ATXN2: variants seen among roughly 807,000 people sequenced by gnomAD.
The protein encoded by ATXN2 is ataxin-2.
ATXN2 carries 37 observed loss-of-function variants against 138.6 expected under a neutral mutation model. The observed-to-expected ratio is 0.27, with a 90% CI of 0.21 to 0.35. The LOEUF is 0.35. Among genes scored for constraint, ATXN2 ranks in the 10% least tolerant of loss-of-function variants. The pLI is 1.00. For missense variants in ATXN2, 1,216 were observed against 1,480.3 expected, an observed-to-expected ratio of 0.82 and a Z score of 2.93; for synonymous variants, 549 against 543.7, an observed-to-expected ratio of 1.01 and a Z score of -0.13.
In ATXN2 at chr12:111,453,492, C is replaced by T. The variant is rs1874827656; in HGVS notation, c.3439+185G>A. 1 of 1,335,848 alleles carries T rather than the reference C, an allele frequency of 7.5e-7. No homozygotes were observed. Among genetic ancestry groups the T allele is most frequent in the Non-Finnish European group, 9.6e-7 (1 of 1,046,688 alleles). The allele number at this position is 1,335,848 out of a possible 1,614,324, so 82.7% of individuals were successfully genotyped here. A position where few individuals can be genotyped will look rare whatever the true frequency, so the allele number is the denominator to read the frequency against. On this transcript the variant is annotated intron_variant, in intron 24 of 24. Transcript: ENST00000673436. This position sits in a 1 kb window ranked among gnomAD's most constrained non-coding sequence, Gnocchi z 5.4. ...TATACCATCAGAACACACACAGACT[C>T]GGCTCCCGGAAGCCTCAGGCCCTGA...
chr12:111,575,297 C>A (rs1459949260), intron 1 of ATXN2, among the ~76,000 whole-genome samples: 1 of 152,150 alleles, frequency 6.6e-6, no homozygotes, highest in Admixed American at 6.6e-5. Flanking sequence ...GCAATCCTCT[C>A]GCTTCAGCCT....
In ATXN2 at chr12:111,540,335, A is replaced by G. The variant is rs148615712; in HGVS notation, c.571+11945T>C. ...GTCTTACTGAAAATGTCCTGGAAAC[A>G]TATGCATTACTTACCTATTCTTTAC... On this transcript the variant is annotated intron_variant, in intron 5 of 24. Transcript: ENST00000673436. Among the ~76,000 whole-genome samples the G allele has an allele frequency of 7.0e-4, 106 of 150,724 alleles. 3 individuals are homozygous for G. The highest frequency in any genetic ancestry group is 2.5e-3 in the African/African-American group (102 of 41,460).
At chr12:111,570,078 G>A (rs530360313) in intron 1 of ATXN2, among the ~76,000 whole-genome samples, 1 of 152,246 alleles carries the variant, frequency 6.6e-6, no homozygotes, top group East Asian at 1.9e-4. Flanking sequence ...ACCATGTGTG[G>A]AAGTAGCCAC....
chr12:111,496,649 A>C lies in ATXN2; in HGVS notation c.1936-7869T>G, dbSNP rs536231652. Among the ~76,000 whole-genome samples the C allele has an allele frequency of 2.8e-4, 42 of 152,302 alleles. 1 individual carries two copies. The highest frequency in any genetic ancestry group is 2.7e-3 in the Admixed American group (42 of 15,292). On this transcript the variant is annotated intron_variant, in intron 14 of 24. Coordinates refer to ENST00000673436, the MANE Select transcript of ATXN2 (RefSeq NM_001372574.1). ...ATGCTCCTGAATGACCAGTGGGTCC[A>C]TGAAGAAATTAAGAAGAAAACTGGA...
At chr12:111,494,373 T>C (rs531967154) in intron 14 of ATXN2, among the ~76,000 whole-genome samples, 13 of 152,264 alleles carry the variant, frequency 8.5e-5, no homozygotes, top group African/African-American at 2.9e-4. Flanking sequence ...CAAGTTGTCA[T>C]TGGTTTAAAA....
At chr12:111,543,924 A>T (rs2135774444) in intron 5 of ATXN2, among the ~76,000 whole-genome samples, 1 of 152,208 alleles carries the variant, frequency 6.6e-6, no homozygotes, top group African/African-American at 2.4e-5. Context: ...AAATATTTTT[A>T]AAAATTAGCC....
intron 5 of ATXN2, among the ~76,000 whole-genome samples, chr12:111,530,897 G>A (rs564730232): frequency 1.4e-4 from 21 of 152,222 alleles, no homozygotes; most frequent in Non-Finnish European, 3.1e-4. Context: ...AGGCCGAGGC[G>A]GGCGGATCAC....
intron 1 of ATXN2, among the ~76,000 whole-genome samples, chr12:111,587,628 C>A (rs537467166): frequency 6.6e-6 from 1 of 152,070 alleles, no homozygotes; most frequent in African/African-American, 2.4e-5. Context: ...TATACTCCAA[C>A]CTGGCCAACA....
chr12:111,576,344 T>G (rs1273334696), intron 1 of ATXN2, among the ~76,000 whole-genome samples: 3 of 150,890 alleles, frequency 2.0e-5, no homozygotes, highest in African/African-American at 7.3e-5. Flanking sequence ...CTTGGGAGGC[T>G]GAATCACCTG....
intron 5 of ATXN2, among the ~76,000 whole-genome samples, chr12:111,534,208 T>G (rs1881010570): frequency 6.6e-6 from 1 of 151,992 alleles, no homozygotes; most frequent in Non-Finnish European, 1.5e-5. Flanking sequence ...GAAACCAACC[T>G]GGGCAACACG....
chr12:111,598,983 GC>G lies in ATXN2; in HGVS notation c.51del (p.Gln17HisfsTer29). The G allele has an allele frequency of 6.9e-7, 1 of 1,449,580 alleles. No individual in the cohort carries two copies. The highest frequency in any genetic ancestry group is 2.8e-5 in the East Asian group (1 of 36,002). The allele number at this position is 1,449,580 out of a possible 1,614,324, so 89.8% of individuals were successfully genotyped here. A position where few individuals can be genotyped will look rare whatever the true frequency, so the allele number is the denominator to read the frequency against. ...QQQQQQQQQQ[Q>X]QQQQQQQQQQ... ...TGCTGCTGCTGCTGCTGCTGTTGCT[GC>G]TGCTGCTGCTGCTGCTGCTGCTGCT... On this transcript the variant is annotated frameshift_variant, in exon 1 of 25. Transcript: ENST00000673436. LOFTEE classifies it high-confidence loss of function. This position sits in a 1 kb window ranked among gnomAD's most constrained non-coding sequence, Gnocchi z 4.5.
chr12:111,466,568 C>G (rs1452579259), intron 20 of ATXN2, among the ~76,000 whole-genome samples: 1 of 152,134 alleles, frequency 6.6e-6, no homozygotes, highest in East Asian at 1.9e-4. Context: ...AGAAAGAGGT[C>G]AAGGTCAATA....
chr12:111,535,694 A>G (rs977000919), intron 5 of ATXN2, among the ~76,000 whole-genome samples: 2 of 151,814 alleles, frequency 1.3e-5, no homozygotes, highest in Non-Finnish European at 2.9e-5. Flanking sequence ...TAGTAGGTCA[A>G]TAAGTAGATT....
chr12:111,495,994 A>T lies in ATXN2; in HGVS notation c.1936-7214T>A, dbSNP rs577085059. On this transcript the variant is annotated intron_variant, in intron 14 of 24. Transcript: ENST00000673436. ...CCCCATCTCTACAAAAAAAAAAAAA[A>T]TCCAAAAATATCAGCCATATGTGAC... 8.6e-5 allele frequency among the ~76,000 whole-genome samples: 13 copies of T among 151,296 alleles called. No individual in the cohort carries two copies. In the South Asian group the frequency reaches 2.7e-3, roughly 32 times the overall value.
chr12:111,581,498 C>G (rs751492438), intron 1 of ATXN2: 12 of 1,026,278 alleles, frequency 1.2e-5, no homozygotes, highest in Admixed American at 1.7e-5. Context: ...CCCTGCTCCC[C>G]CAATGTCCAC....
At chr12:111,576,212 G>A (rs929359598) in intron 1 of ATXN2, among the ~76,000 whole-genome samples, 3 of 152,038 alleles carry the variant, frequency 2.0e-5, no homozygotes, top group African/African-American at 7.2e-5. Flanking sequence ...GGAAGGTCGA[G>A]GTAGGCGGAT....
At chr12:111,536,586 T>G (rs1046796025) in intron 5 of ATXN2, among the ~76,000 whole-genome samples, 2 of 151,984 alleles carry the variant, frequency 1.3e-5, no homozygotes, top group African/African-American at 4.8e-5. Flanking sequence ...AATCAGCCTG[T>G]GCAACAGTGA....
At position 111,504,688 on chromosome 12, in the gene ATXN2, AT is replaced by A. The variant is rs1370940861; in HGVS notation, c.1935+4860del. On this transcript the variant is annotated intron_variant, in intron 14 of 24. Coordinates refer to ENST00000673436, the MANE Select transcript of ATXN2 (RefSeq NM_001372574.1). ...ACACAGTAAAAATGGTTATAAGTGT[AT>A]GGTTATGTGTCAATTAGAAATAAAA... Among the ~76,000 whole-genome samples the A allele has an allele frequency of 7.9e-5, 12 of 152,318 alleles. No individual in the cohort carries two copies. The East Asian group carries it at 2.3e-3, about 29-fold the overall frequency.
intron 9 of ATXN2, among the ~76,000 whole-genome samples, chr12:111,517,225 G>C (rs1218225048): frequency 1.3e-5 from 2 of 151,920 alleles, no homozygotes; most frequent in African/African-American, 4.8e-5. Flanking sequence ...CTCTCCATAG[G>C]GTTCCACACA....
Sources: gnomAD v4.1 joint callset for allele counts (sites outside exome capture counted in the v4.1 genomes callset) on GRCh38, gnomAD v4.1.1 for gene constraint, Gnocchi (gnomAD v3.1) non-coding constraint, MANE v1.5 for transcripts, NCBI Gene and HGNC (gene_info 2026-07-23, HGNC 2026-07-21) for gene names.